Variants in SLC1A2 observed in about 807,000 individuals in gnomAD.
The protein encoded by SLC1A2 is solute carrier family 1 member 2.
In SLC1A2, 15 loss-of-function variants were observed where a neutral mutation model predicts 48.8. The observed-to-expected ratio is 0.31, with a 90% confidence interval of 0.21 to 0.47. The LOEUF (loss-of-function observed/expected upper bound fraction) is 0.47, where lower values mean the gene tolerates loss of function less well. SLC1A2 is among the 20% of genes least tolerant of loss of function. The pLI is 0.99. For synonymous variants in SLC1A2, 279 were observed against 272.6 expected, an observed-to-expected ratio of 1.02 and a Z score of -0.23; for missense variants, 502 against 730.5, an observed-to-expected ratio of 0.69 and a Z score of 3.61.
intron 1 of SLC1A2, among the ~76,000 whole-genome samples, chr11:35,375,426 A>G (rs1854191416): frequency 6.6e-6 from 1 of 152,194 alleles, no homozygotes; most frequent in Non-Finnish European, 1.5e-5. Flanking sequence ...CCCAGAACAA[A>G]GTGGTCAGTA....
chr11:35,387,107 A>G (rs1011096989), intron 1 of SLC1A2, among the ~76,000 whole-genome samples: 4 of 151,752 alleles, frequency 2.6e-5, no homozygotes, highest in Non-Finnish European at 5.9e-5. Flanking sequence ...ATCTTCTGGC[A>G]CCTCCCCTCA....
intron 1 of SLC1A2, among the ~76,000 whole-genome samples, chr11:35,418,117 G>A (rs981492270): frequency 6.6e-6 from 1 of 152,236 alleles, no homozygotes; most frequent in African/African-American, 2.4e-5. Context: ...CAAGGACTCT[G>A]TGGACCTTTC....
intron 4 of SLC1A2, 121 bp from the exon 5 acceptor site, chr11:35,306,363 C>A: frequency 1.5e-6 from 1 of 663,822 alleles, no homozygotes; most frequent in Non-Finnish European, 2.5e-6. Context: ...TAAGAAATGC[C>A]AAAACAAGGT....
chr11:35,293,461 A>G (rs1415878405), intron 6 of SLC1A2, among the ~76,000 whole-genome samples: 1 of 152,210 alleles, frequency 6.6e-6, no homozygotes, highest in African/African-American at 2.4e-5. Context: ...GAGTTTGGAA[A>G]CTACTTTGGT....
intron 9 of SLC1A2, among the ~76,000 whole-genome samples, chr11:35,274,763 A>G (rs892639926): frequency 6.6e-6 from 1 of 152,220 alleles, no homozygotes; most frequent in African/African-American, 2.4e-5. Context: ...TGATAATACT[A>G]TTAGTTGCTT....
At position 35,260,254 on chromosome 11, in the gene SLC1A2, T is replaced by C. The variant is rs984978329; in HGVS notation, c.*640A>G. 1 of 152,368 alleles carries C rather than the reference T, an allele frequency of 6.6e-6. No individual in the cohort carries two copies. The highest frequency in any genetic ancestry group is 1.5e-5 in the Non-Finnish European group (1 of 68,156). 9.4% of individuals were successfully genotyped at this position (152,368 alleles called of 1,614,324 possible). On this transcript the variant is annotated 3_prime_UTR_variant, in exon 11 of 11. Transcript: ENST00000278379. ...CAGATTACACAGGGTAAGGCAGAGA[T>C]GTAACAGGTTCTTTAATCAACTGCC...
In SLC1A2 at chr11:35,317,423, C is replaced by T. The variant is rs763868876; in HGVS notation, c.111G>A (p.Leu37=). Residue 37 remains leucine, a synonymous_variant, in exon 2 of 11, where the codon CTG becomes CTA. Transcript: ENST00000278379. ...GCAGATTCTTCCCCAGCTTGTCACA[C>T]AGGCGCAGGCCCAGGTGCCGGTGCT... ...EPKHRHLGLR[L]CDKLGKNLLL... 3 of 1,614,196 alleles carry T rather than the reference C, an allele frequency of 1.9e-6. No homozygotes were observed. In the South Asian group the frequency reaches 3.3e-5, roughly 18 times the overall value.
intron 1 of SLC1A2, among the ~76,000 whole-genome samples, chr11:35,388,121 C>T (rs968020358): frequency 2.0e-5 from 3 of 152,190 alleles, no homozygotes; most frequent in Non-Finnish European, 2.9e-5. Context: ...TTCTACGTAT[C>T]AACCCTCGGG....
chr11:35,403,794 T>C (rs1453710336), intron 1 of SLC1A2, among the ~76,000 whole-genome samples: 1 of 151,218 alleles, frequency 6.6e-6, no homozygotes, highest in African/African-American at 2.4e-5. Flanking sequence ...TGTGATCTTA[T>C]GACATGAGAA....
intron 1 of SLC1A2, among the ~76,000 whole-genome samples, chr11:35,343,382 T>A (rs1026563245): frequency 6.6e-6 from 1 of 152,202 alleles, no homozygotes; most frequent in African/African-American, 2.4e-5. Context: ...ATATTTGGTG[T>A]AAAAATGGGT....
intron 1 of SLC1A2, among the ~76,000 whole-genome samples, chr11:35,378,643 G>C (rs752989748): frequency 5.9e-5 from 9 of 152,238 alleles, no homozygotes; most frequent in Non-Finnish European, 1.2e-4. Context: ...AAGTCTGCCT[G>C]TAACTGAAGC....
At chr11:35,339,746 A>G (rs984334413) in intron 1 of SLC1A2, among the ~76,000 whole-genome samples, 6 of 152,198 alleles carry the variant, frequency 3.9e-5, no homozygotes, top group East Asian at 1.9e-4. Context: ...TACATGTATA[A>G]TTGTATATAT....
chr11:35,403,503 A>C (rs545796527), intron 1 of SLC1A2, among the ~76,000 whole-genome samples: 2 of 152,226 alleles, frequency 1.3e-5, no homozygotes, highest in Non-Finnish European at 2.9e-5. Flanking sequence ...GCTGCCCTGT[A>C]GGACTGGCTA....
At chr11:35,379,652 G>A (rs1158208429) in intron 1 of SLC1A2, among the ~76,000 whole-genome samples, 4 of 152,180 alleles carry the variant, frequency 2.6e-5, no homozygotes, top group South Asian at 2.1e-4. Flanking sequence ...TCCGGGGCAC[G>A]CAGGCTTCCT....
chr11:35,318,028 T>C lies in SLC1A2; in HGVS notation c.18-512A>G, dbSNP rs528933793. ...ACAAACACTGATCATCCAAGCTTTA[T>C]TTCTTTTTTGGAAAAGATAGTTTAT... On this transcript the variant is annotated intron_variant, in intron 1 of 10. Coordinates refer to ENST00000278379, the MANE Select transcript of SLC1A2 (RefSeq NM_004171.4). Among the ~76,000 whole-genome samples, 30 of 152,338 alleles carry C rather than the reference T, an allele frequency of 2.0e-4. 1 individual carries two copies. The South Asian group carries it at 6.0e-3, about 31-fold the overall frequency.
At chr11:35,336,512 T>C (rs1029220418) in intron 1 of SLC1A2, among the ~76,000 whole-genome samples, 1 of 152,178 alleles carries the variant, frequency 6.6e-6, no homozygotes, top group African/African-American at 2.4e-5. Flanking sequence ...AGCTCTGAGA[T>C]AAGTGGTTTC....
At chr11:35,393,036 G>A (rs942425468) in intron 1 of SLC1A2, among the ~76,000 whole-genome samples, 1 of 152,160 alleles carries the variant, frequency 6.6e-6, no homozygotes, top group African/African-American at 2.4e-5. Context: ...CTTTATGGTG[G>A]GAGTCTATGA....
Position 35,408,749 on chromosome 11 carries a change from G to C in SLC1A2, c.17+10201C>G, listed in dbSNP as rs114485463. Among the ~76,000 whole-genome samples the C allele has an allele frequency of 6.3e-3, 960 of 152,306 alleles. 12 individuals are homozygous for C. Among genetic ancestry groups the C allele is most frequent in the African/African-American group, 0.022 (913 of 41,560 alleles). ...AATAATTTATCTGACAGTGAATAGT[G>C]AATCATTCACACTCTTTTATTTGGC... On this transcript the variant is annotated intron_variant, in intron 1 of 10. Transcript: ENST00000278379.
At chr11:35,315,364 C>T (rs1223159294) in intron 2 of SLC1A2, 189 bp from the exon 3 acceptor site, 2 of 486,950 alleles carry the variant, frequency 4.1e-6, no homozygotes, top group Admixed American at 3.2e-5. Context: ...CTTTCTATAC[C>T]TCCAACTATT....
Sources: gnomAD v4.1 joint callset for allele counts (sites outside exome capture counted in the v4.1 genomes callset) on GRCh38, gnomAD v4.1.1 for gene constraint, MANE v1.5 for transcripts, NCBI Gene and HGNC (gene_info 2026-07-23, HGNC 2026-07-21) for gene names.